The following GTPBP10 variants were observed in gnomAD, a reference collection of about 807,000 sequenced individuals.
GTPBP10 encodes GTP-binding protein 10.
GTPBP10 carries 38 observed loss-of-function variants against 44.8 expected under a neutral mutation model. That is an observed-to-expected ratio of 0.85 (90% CI 0.65 to 1.11). The LOEUF (loss-of-function observed/expected upper bound fraction) is 1.11. GTPBP10 is among the 50% of genes most tolerant of loss of function. GTPBP10 has a pLI of 0.00. For missense variants in GTPBP10, 462 were observed against 453.7 expected, an observed-to-expected ratio of 1.02 and a Z score of -0.17; for synonymous variants, 152 against 150.6, an observed-to-expected ratio of 1.01 and a Z score of -0.07.
chr7:90,386,886 C>T lies in GTPBP10; in HGVS notation c.*1732C>T, dbSNP rs1207657090. ...CATATAAGTAACTAATAAAAGCTCC[C>T]TTTCTGCATTAGGCCCCTCAGTTCT... is the stretch of plus-strand genomic sequence containing the variant. On this transcript the variant is annotated 3_prime_UTR_variant, in exon 10 of 10. Transcript: ENST00000222511. 1 of 152,118 alleles carries T rather than the reference C, an allele frequency of 6.6e-6. No homozygotes were observed. The highest frequency in any genetic ancestry group is 1.5e-5 in the Non-Finnish European group (1 of 68,028). 9.4% of individuals were successfully genotyped at this position (152,118 alleles called of 1,614,324 possible).
intron 1 of GTPBP10, among the ~76,000 whole-genome samples, chr7:90,351,746 A>G (rs1313528164): frequency 6.6e-6 from 1 of 152,084 alleles, no homozygotes; most frequent in Non-Finnish European, 1.5e-5. Flanking sequence ...CCCAGGCTAG[A>G]GTGCAGTGGC....
chr7:90,355,304 T>G, intron 4 of GTPBP10, 74 bp downstream of exon 4: 1 of 958,048 alleles, frequency 1.0e-6, no homozygotes, highest in Non-Finnish European at 1.5e-6. Flanking sequence ...ATGTAAATGG[T>G]AATTTGGGGC....
Position 90,355,139 on chromosome 7 carries a change from G to A in GTPBP10, c.373G>A (p.Gly125Ser). The change falls in exon 4 of 10, where the codon GGT becomes AGT. Residue 125 changes from glycine (G) to serine (S), a missense_variant. Physicochemically the swap from Gly to Ser is moderately conservative, Grantham distance 56. Transcript: ENST00000222511. ...TTTGGTAGCTCAAGGAGGTCTTGGT[G>A]GTAAATTACTTACAAATTTCTTACC... is the stretch of plus-strand genomic sequence containing the variant. Reference protein sequence around the residue: ...RILVAQGGLGGKLLTNFLPLK... With the variant: ...RILVAQGGLGSKLLTNFLPLK... The A allele has an allele frequency of 6.2e-7, 1 of 1,602,330 alleles. No homozygotes were observed. The highest frequency in any genetic ancestry group is 8.5e-7 in the Non-Finnish European group (1 of 1,171,706).
intron 6 of GTPBP10, among the ~76,000 whole-genome samples, chr7:90,375,093 T>C (rs1796320831): frequency 6.6e-6 from 1 of 152,120 alleles, no homozygotes; most frequent in Non-Finnish European, 1.5e-5. Flanking sequence ...AGGGGAACCT[T>C]AAATGCGTAA....
intron 4 of GTPBP10, among the ~76,000 whole-genome samples, chr7:90,356,652 C>T (rs1251986811): frequency 6.6e-6 from 1 of 152,102 alleles, no homozygotes; most frequent in African/African-American, 2.4e-5. Flanking sequence ...TTTCTTTTCT[C>T]TCATTCTTCC....
intron 4 of GTPBP10, chr7:90,371,086 T>C (rs1021665310): frequency 9.2e-6 from 2 of 218,400 alleles, no homozygotes; most frequent in African/African-American, 4.7e-5. Context: ...ATGAAAAAAG[T>C]TGCAAAAGTT....
At chr7:90,368,267 G>T (rs532632548) in intron 4 of GTPBP10, among the ~76,000 whole-genome samples, 1 of 152,136 alleles carries the variant, frequency 6.6e-6, no homozygotes, top group Non-Finnish European at 1.5e-5. Flanking sequence ...TCTTGCGGTT[G>T]CTCTTCTCGA....
At chr7:90,383,807 T>C (rs1796474281) in intron 9 of GTPBP10, 1 of 152,194 alleles carries the variant, frequency 6.6e-6, no homozygotes, top group Non-Finnish European at 1.5e-5. Context: ...TAACATGTTT[T>C]TCAATATGTC....
At chr7:90,371,046 A>AATAAATAAATAG (rs1253743454) in intron 4 of GTPBP10, 4 of 134,976 alleles carry the variant, frequency 3.0e-5, no homozygotes, top group Admixed American at 7.6e-5. Context: ...TAAATAAATA[A>AATAAATAAATAG]ATAGATATGA....
chr7:90,348,376 G>T (rs2115579185), intron 1 of GTPBP10, among the ~76,000 whole-genome samples: 1 of 152,158 alleles, frequency 6.6e-6, no homozygotes, highest in Admixed American at 6.5e-5. Context: ...ATAATCTGTT[G>T]GCTGGAAGCC....
rs42663 is a variant in GTPBP10, at chr7:90,354,494, T to A, written c.264T>A (p.Cys88Ter). The change falls in exon 3 of 10, where the codon TGT becomes TGA. Residue 88 changes from cysteine to a stop codon, truncating the protein, a stop_gained. Transcript: ENST00000222511. LOFTEE classifies it high-confidence loss of function. ...SALKGSKGKD[C>*]EIPVPVGISV... ...TGAAAGGCTCCAAAGGAAAAGACTG[T>A]GAAATCCCTGTGCCTGTGGGTATTT... 6.3e-7 allele frequency: 1 copy of A among 1,587,934 alleles called. No homozygotes were observed. Among genetic ancestry groups the A allele is most frequent in the Non-Finnish European group, 8.6e-7 (1 of 1,166,634 alleles).
intron 4 of GTPBP10, chr7:90,371,235 T>C (rs1376347908): frequency 9.6e-6 from 9 of 938,304 alleles, no homozygotes; most frequent in Non-Finnish European, 1.0e-5. Context: ...GTATACACAT[T>C]TTTTACAATG....
intron 4 of GTPBP10, among the ~76,000 whole-genome samples, chr7:90,359,583 A>T (rs536668018): frequency 9.8e-5 from 15 of 152,312 alleles, no homozygotes; most frequent in African/African-American, 3.6e-4. Context: ...GCTATTGTGA[A>T]TAGTGCCACA....
chr7:90,373,102 C>G (rs11563279), intron 5 of GTPBP10, among the ~76,000 whole-genome samples: 96,581 of 151,870 alleles, frequency 0.64, 30,893 homozygotes, highest in African/African-American at 0.69. Flanking sequence ...GTACACAAAG[C>G]CTTAGTGGTG....
At position 90,387,259 on chromosome 7, in the gene GTPBP10, C is replaced by G. The variant is rs1415642287; in HGVS notation, c.*2105C>G. Reference sequence around the variant, plus strand: ...GCTGAGGCAGGAGAATCGCTTGAACCCGGGAGGCGGAGGTTGCAGTGAGCT... The same window carrying G: ...GCTGAGGCAGGAGAATCGCTTGAACGCGGGAGGCGGAGGTTGCAGTGAGCT... On this transcript the variant is annotated 3_prime_UTR_variant, in exon 10 of 10. Transcript: ENST00000222511. 6.6e-6 allele frequency: 1 copy of G among 152,132 alleles called. No individual in the cohort carries two copies. The highest frequency in any genetic ancestry group is 1.5e-5 in the Non-Finnish European group (1 of 68,082). 9.4% of individuals were successfully genotyped at this position (152,132 alleles called of 1,614,324 possible).
rs1795957086 is a variant in GTPBP10 at position 90,358,886 on chromosome 7, A to T, written c.464+3656A>T. ...GACTAATATACTGAGTCTGCAAGGA[A>T]CTCAGATCAGCAAGGAAAAAACAAT... On this transcript the variant is annotated intron_variant, in intron 4 of 9. Transcript: ENST00000222511. Among the ~76,000 whole-genome samples, 6 of 152,210 alleles carry T rather than the reference A, an allele frequency of 3.9e-5. No homozygotes were observed. In the South Asian group the frequency reaches 1.2e-3, roughly 32 times the overall value.
chr7:90,370,868 A>G (rs2115718709), intron 4 of GTPBP10, among the ~76,000 whole-genome samples: 1 of 152,080 alleles, frequency 6.6e-6, no homozygotes, highest in South Asian at 2.1e-4. Flanking sequence ...TTAGCCAGGC[A>G]TTGTGGCGGG....
chr7:90,354,776 C>T (rs539187867), intron 3 of GTPBP10, among the ~76,000 whole-genome samples: 68 of 152,202 alleles, frequency 4.5e-4, no homozygotes, highest in African/African-American at 1.6e-3. Context: ...TAACTAGGCT[C>T]TTTTCAATTG....
chr7:90,387,636 ATGT>A lies in GTPBP10; in HGVS notation c.*2483_*2485del, dbSNP rs1796547222. On this transcript the variant is annotated 3_prime_UTR_variant, in exon 10 of 10. Coordinates refer to ENST00000222511, the MANE Select transcript of GTPBP10 (RefSeq NM_033107.4). ...TTTATTTCTTTTTTCTTCATTGCTGATGTATTTATTGAGCAATGTCCTGTATCA... is the reference window on the plus strand; with the variant it reads ...TTTATTTCTTTTTTCTTCATTGCTGAATTTATTGAGCAATGTCCTGTATCA... 6.6e-6 allele frequency: 1 copy of A among 151,448 alleles called. No homozygotes were observed. Among genetic ancestry groups the A allele is most frequent in the Non-Finnish European group, 1.5e-5 (1 of 67,934 alleles). 9.4% of individuals were successfully genotyped at this position (151,448 alleles called of 1,614,324 possible).
Sources: gnomAD v4.1 joint callset for allele counts (sites outside exome capture counted in the v4.1 genomes callset) on GRCh38, gnomAD v4.1.1 for gene constraint, MANE v1.5 for transcripts, NCBI Gene and HGNC (gene_info 2026-07-23, HGNC 2026-07-21) for gene names.